Variants in ZMYM2 observed in about 807,000 individuals in gnomAD.
ZMYM2 encodes the protein zinc finger MYM-type containing 2, also known as zinc finger MYM-type protein 2.
In ZMYM2, 56 loss-of-function variants were observed where a neutral mutation model predicts 162.8. The observed-to-expected ratio is 0.34, with a 90% confidence interval of 0.28 to 0.43. ZMYM2 has a LOEUF of 0.43. ZMYM2 is among the 20% of genes least tolerant of loss of function. The probability of loss-of-function intolerance (pLI) is 1.00; values close to 1 mark genes in which losing one functional copy is unlikely to be tolerated. For missense variants in ZMYM2, 1,275 were observed against 1,621.8 expected (o/e 0.79, Z 3.67); for synonymous variants, 510 against 541.6 (o/e 0.94, Z 0.81).
chr13:19,893,514 G>T, the ZMYM2 span, among the ~76,000 whole-genome samples: 8 of 151,912 alleles, frequency 5.3e-5, no homozygotes, highest in Middle Eastern at 3.2e-3. Flanking sequence ...AAGGCGGGTG[G>T]ATCACTTGAG....
At chr13:19,956,067 T>C (rs11147518), upstream of ZMYM2, among the ~76,000 whole-genome samples, 10,416 of 152,296 alleles carry the variant, frequency 0.068, 461 homozygotes, top group African/African-American at 0.12. Context: ...TTCACAGTTG[T>C]GCAATCATTT....
chr13:19,913,000 A>G, the ZMYM2 span, among the ~76,000 whole-genome samples: 1 of 152,188 alleles, frequency 6.6e-6, no homozygotes, highest in African/African-American at 2.4e-5. Context: ...TCAAGTGAAC[A>G]AAAAAGTTGC....
At chr13:20,039,779 T>A (rs1465512794) in intron 12 of ZMYM2, among the ~76,000 whole-genome samples, 1 of 152,052 alleles carries the variant, frequency 6.6e-6, no homozygotes, top group East Asian at 1.9e-4. Flanking sequence ...CCCAGCCTAT[T>A]GAGTTTTTAA....
intron 12 of ZMYM2, among the ~76,000 whole-genome samples, chr13:20,046,554 T>TAAAAAA (rs137929093): frequency 9.6e-4 from 73 of 76,388 alleles, no homozygotes; most frequent in African/African-American, 3.4e-3. Context: ...ACTTTGTCTC[T>TAAAAAA]AAAAAAAAAA....
At chr13:19,954,562 C>T (rs1954476402), upstream of ZMYM2, among the ~76,000 whole-genome samples, 1 of 152,076 alleles carries the variant, frequency 6.6e-6, no homozygotes, top group South Asian at 2.1e-4. Flanking sequence ...ACCCTTTCTC[C>T]ACAACAATAA....
intron 21 of ZMYM2, among the ~76,000 whole-genome samples, chr13:20,069,438 CCT>C (rs34650141): frequency 0.69 from 103,382 of 150,730 alleles, 40,648 homozygotes; most frequent in Non-Finnish European, 0.86. Context: ...TTGGTAGCTC[CCT>C]GTTACCAAGT....
In ZMYM2 at chr13:19,981,813, C is replaced by A. The variant is rs1054944172; in HGVS notation, c.-10-11250C>A. Among the ~76,000 whole-genome samples, 211 of 148,688 alleles carry A rather than the reference C, an allele frequency of 1.4e-3. 5 individuals are homozygous for A. In the Admixed American group the frequency reaches 0.014, roughly 10 times the overall value. ...TTCATCATGAAGATATCTTTCATAT[C>A]TTTACTCAGCTGTCAGGTAGTCCTT... On this transcript the variant is annotated intron_variant, in intron 2 of 24. Coordinates refer to ENST00000610343, the MANE Select transcript of ZMYM2 (RefSeq NM_197968.4).
intron 21 of ZMYM2, among the ~76,000 whole-genome samples, chr13:20,081,791 C>G (rs1957928209): frequency 1.3e-5 from 2 of 150,804 alleles, no homozygotes; most frequent in Admixed American, 1.3e-4. Context: ...ATTCTTGATT[C>G]TGGGGTGTGT....
intron 11 of ZMYM2, among the ~76,000 whole-genome samples, chr13:20,035,184 C>T (rs1442226586): frequency 1.3e-5 from 2 of 152,100 alleles, no homozygotes; most frequent in Non-Finnish European, 2.9e-5. Context: ...CTATGGATTC[C>T]TGACTGCTAG....
chr13:20,025,074 C>T (rs1022255846), intron 7 of ZMYM2: 8 of 211,576 alleles, frequency 3.8e-5, no homozygotes, highest in African/African-American at 1.6e-4. Context: ...TTATTACCTT[C>T]ATTTTCTGAA....
the ZMYM2 span, among the ~76,000 whole-genome samples, chr13:19,884,450 C>T: frequency 6.6e-6 from 1 of 152,116 alleles, no homozygotes; most frequent in South Asian, 2.1e-4. Context: ...TGGCGGCGGG[C>T]GGCCGTGGTC....
chr13:19,908,544 C>T, the ZMYM2 span, among the ~76,000 whole-genome samples: 1 of 152,162 alleles, frequency 6.6e-6, no homozygotes, highest in Non-Finnish European at 1.5e-5. Flanking sequence ...TATAGTCAGC[C>T]TGCTTCATCC....
the ZMYM2 span, among the ~76,000 whole-genome samples, chr13:19,912,058 G>A: frequency 6.6e-6 from 1 of 152,210 alleles, no homozygotes; most frequent in Non-Finnish European, 1.5e-5. Flanking sequence ...GACTCCAATT[G>A]CAACGTTGTA....
chr13:19,983,297 A>G (rs1282709614), intron 2 of ZMYM2, among the ~76,000 whole-genome samples: 1 of 152,036 alleles, frequency 6.6e-6, no homozygotes, highest in Non-Finnish European at 1.5e-5. Flanking sequence ...GGTGTGTGCC[A>G]TCATGGCACG....
At position 20,062,902 on chromosome 13, in the gene ZMYM2, G is replaced by A; in HGVS notation, c.2968G>A (p.Glu990Lys). ...GSDLLKNSDP[E>K]TQSSMPDVPY... Reference sequence around the variant, plus strand: ...AGACCTTTTGAAGAACTCTGACCCAGAGACACAGTCCAGCATGCCTGATGT... The same window carrying A: ...AGACCTTTTGAAGAACTCTGACCCAAAGACACAGTCCAGCATGCCTGATGT... Residue 990 changes from glutamate to lysine, a missense_variant, in exon 18 of 25, where the codon GAG (glutamate) becomes AAG (lysine). This residue lies in a region of ZMYM2 where 229 missense variants were observed against 283.8 expected (regional missense o/e 0.81). Transcript: ENST00000610343. 1 of 1,600,346 alleles carries A rather than the reference G, an allele frequency of 6.2e-7. No individual in the cohort carries two copies. Among genetic ancestry groups the A allele is most frequent in the African/African-American group, 1.3e-5 (1 of 74,874 alleles).
the ZMYM2 span, among the ~76,000 whole-genome samples, chr13:19,893,497 G>T: frequency 6.6e-6 from 1 of 151,884 alleles, no homozygotes; most frequent in Non-Finnish European, 1.5e-5. Flanking sequence ...TAACACTTTG[G>T]GAGGCCAAGG....
At chr13:20,004,187 A>G (rs2139933118) in intron 4 of ZMYM2, among the ~76,000 whole-genome samples, 1 of 152,336 alleles carries the variant, frequency 6.6e-6, no homozygotes, top group Middle Eastern at 3.4e-3. Flanking sequence ...CTTAAATACT[A>G]CAGTGTAGGA....
In ZMYM2 at chr13:20,087,497, T is replaced by C. The variant is rs1958342222; in HGVS notation, c.*1483T>C. On this transcript the variant is annotated 3_prime_UTR_variant, in exon 25 of 25. Coordinates refer to ENST00000610343, the MANE Select transcript of ZMYM2 (RefSeq NM_197968.4). ...TGTTTAGAAATTGTTCAGGGGAAAA[T>C]TGAGCTATTTTCCATAGTGGCTAGC... 1 of 186,994 alleles carries C rather than the reference T, an allele frequency of 5.3e-6. No homozygotes were observed. The highest frequency in any genetic ancestry group is 1.1e-5 in the Non-Finnish European group (1 of 88,592). 11.6% of individuals were successfully genotyped at this position (186,994 alleles called of 1,614,324 possible).
At chr13:19,868,771 GAC>G in the ZMYM2 span, among the ~76,000 whole-genome samples, 6 of 152,032 alleles carry the variant, frequency 3.9e-5, no homozygotes, top group Admixed American at 3.9e-4. Context: ...TTATTTTTGA[GAC>G]AGAATCTTAT....
Sources: gnomAD v4.1 joint callset for allele counts (sites outside exome capture counted in the v4.1 genomes callset) on GRCh38, gnomAD v4.1.1 for gene constraint, gnomAD v4.1.1 regional missense constraint, MANE v1.5 for transcripts, NCBI Gene and HGNC (gene_info 2026-07-23, HGNC 2026-07-21) for gene names.